Variants in C8orf34 observed in about 807,000 individuals in gnomAD.
The protein encoded by C8orf34 is uncharacterized protein C8orf34.
A neutral mutation model predicts 68.3 loss-of-function variants in C8orf34; 65 were observed. That is an observed-to-expected ratio of 0.95 (90% CI 0.78 to 1.17). The LOEUF is 1.17. Among genes scored for constraint, C8orf34 ranks in the 50% most tolerant of loss-of-function variants. The probability of loss-of-function intolerance (pLI) is 0.00; values close to 1 mark genes in which losing one functional copy is unlikely to be tolerated. For missense variants in C8orf34, 664 were observed against 655.4 expected (o/e 1.01, Z -0.14); for synonymous variants, 244 against 241.2 (o/e 1.01, Z -0.11).
At chr8:68,480,516 T>C (rs1251535994) in intron 4 of C8orf34, among the ~76,000 whole-genome samples, 1 of 152,068 alleles carries the variant, frequency 6.6e-6, no homozygotes, top group African/African-American at 2.4e-5. Flanking sequence ...GTTGGAACAA[T>C]TTGGAGGCCT....
chr8:68,574,421 A>G (rs1369232), intron 7 of C8orf34, among the ~76,000 whole-genome samples: 38,658 of 151,952 alleles, frequency 0.25, 7,372 homozygotes, highest in African/African-American at 0.54. Flanking sequence ...CACTTTGCTC[A>G]CAAAATTAGC....
At chr8:68,589,240 C>T (rs886214458) in intron 7 of C8orf34, among the ~76,000 whole-genome samples, 7 of 152,088 alleles carry the variant, frequency 4.6e-5, no homozygotes, top group East Asian at 3.9e-4. Context: ...TCCATCCATC[C>T]GTGTGTTCAT....
rs182906058 is a variant in C8orf34 at position 68,739,869 on chromosome 8, G to A, written c.1404+18432G>A. Among the ~76,000 whole-genome samples the A allele has an allele frequency of 3.0e-3, 453 of 152,052 alleles. 1 individual carries two copies. Among genetic ancestry groups the A allele is most frequent in the Middle Eastern group, 6.8e-3 (2 of 294 alleles). On this transcript the variant is annotated intron_variant, in intron 10 of 13. Coordinates refer to ENST00000518698, the MANE Select transcript of C8orf34 (RefSeq NM_052958.4). ...CTACCTGACTTCAAACTATACTATAGGGCTACAGTAACCAAAACAGCATGG... is the reference window on the plus strand; with the variant it reads ...CTACCTGACTTCAAACTATACTATAAGGCTACAGTAACCAAAACAGCATGG...
intron 10 of C8orf34, among the ~76,000 whole-genome samples, chr8:68,734,233 G>A (rs1822063370): frequency 6.6e-6 from 1 of 152,102 alleles, no homozygotes; most frequent in Non-Finnish European, 1.5e-5. Context: ...AAATGGCCAT[G>A]TAGGGTCTGT....
chr8:68,800,799 AAG>A, intron 12 of C8orf34, among the ~76,000 whole-genome samples: 1 of 152,196 alleles, frequency 6.6e-6, no homozygotes, highest in East Asian at 1.9e-4. Context: ...CTTTGTTGAT[AAG>A]AGGTCAGAAA....
At chr8:68,756,057 A>G (rs1016424223) in intron 10 of C8orf34, among the ~76,000 whole-genome samples, 2 of 145,312 alleles carry the variant, frequency 1.4e-5, no homozygotes, top group Non-Finnish European at 3.0e-5. Context: ...ACAGAGTGAG[A>G]CTCTATCTAA....
At chr8:68,468,972 T>A (rs1316450570) in intron 4 of C8orf34, 152 bp downstream of exon 4, 4 of 801,900 alleles carry the variant, frequency 5.0e-6, no homozygotes, top group Non-Finnish European at 7.6e-6. Context: ...GAAAGGAACT[T>A]GATTTTGCAT....
At chr8:68,377,735 A>G (rs1442926817) in intron 1 of C8orf34, among the ~76,000 whole-genome samples, 1 of 152,116 alleles carries the variant, frequency 6.6e-6, no homozygotes, top group Non-Finnish European at 1.5e-5. Flanking sequence ...ATGCTAAAGC[A>G]GTTTATTAGT....
chr8:68,374,154 A>G (rs1455863110), intron 1 of C8orf34, among the ~76,000 whole-genome samples: 1 of 152,150 alleles, frequency 6.6e-6, no homozygotes, highest in African/African-American at 2.4e-5. Flanking sequence ...GCCTCAAGTA[A>G]TTCTTCCACC....
chr8:68,518,910 T>C (rs1359618454), intron 5 of C8orf34, among the ~76,000 whole-genome samples: 4 of 124,100 alleles, frequency 3.2e-5, no homozygotes, highest in Non-Finnish European at 5.1e-5. Context: ...AAAAGGCAAG[T>C]ATGCAAAAAA....
At chr8:68,414,704 G>A (rs1321215548) in intron 1 of C8orf34, among the ~76,000 whole-genome samples, 5 of 152,092 alleles carry the variant, frequency 3.3e-5, no homozygotes, top group African/African-American at 9.7e-5. Context: ...TATTCATGAT[G>A]TTATTCAAAC....
chr8:68,399,852 A>G (rs1398533534), intron 1 of C8orf34, among the ~76,000 whole-genome samples: 2 of 152,132 alleles, frequency 1.3e-5, no homozygotes, highest in Non-Finnish European at 2.9e-5. Context: ...TTTAATAACC[A>G]TTCTGAGTGG....
chr8:68,748,543 A>G (rs1434307233), intron 10 of C8orf34, among the ~76,000 whole-genome samples: 1 of 152,172 alleles, frequency 6.6e-6, no homozygotes, highest in Non-Finnish European at 1.5e-5. Context: ...TTTACAAGAA[A>G]AAAACAAACA....
intron 9 of C8orf34, among the ~76,000 whole-genome samples, chr8:68,714,243 T>C (rs2130978700): frequency 6.6e-6 from 1 of 152,236 alleles, no homozygotes; most frequent in East Asian, 1.9e-4. Context: ...CAAAGATGCC[T>C]ACTTTCACCA....
At chr8:68,466,012 A>C (rs1812114126) in intron 3 of C8orf34, among the ~76,000 whole-genome samples, 1 of 140,342 alleles carries the variant, frequency 7.1e-6, no homozygotes. Context: ...TTTGGTGCGT[A>C]TACACAATGA....
intron 8 of C8orf34, among the ~76,000 whole-genome samples, chr8:68,683,391 G>A (rs769373946): frequency 5.9e-5 from 9 of 151,318 alleles, no homozygotes; most frequent in Middle Eastern, 3.4e-3. Context: ...CCCGTGAAGA[G>A]GAACAAAGAT....
chr8:68,556,915 A>G (rs1353578475), intron 7 of C8orf34, among the ~76,000 whole-genome samples: 1 of 152,156 alleles, frequency 6.6e-6, no homozygotes, highest in Non-Finnish European at 1.5e-5. Flanking sequence ...CACAAACCAT[A>G]TTTGCTTTCT....
rs544757410 is a variant in C8orf34, at chr8:68,616,616, A to T, written c.1106-23760A>T. ...TGAGCAGTTTTGAGTGAGTTTCTTA[A>T]TCCTGAGTTCTAGTTTGATTGCACT... is the stretch of plus-strand genomic sequence containing the variant. On this transcript the variant is annotated intron_variant, in intron 7 of 13. Coordinates refer to ENST00000518698, the MANE Select transcript of C8orf34 (RefSeq NM_052958.4). Among the ~76,000 whole-genome samples, 1,466 of 152,202 alleles carry T rather than the reference A, an allele frequency of 9.6e-3. 26 individuals are homozygous for T. The highest frequency in any genetic ancestry group is 0.034 in the African/African-American group (1,406 of 41,514).
chr8:68,780,486 C>A (rs1020976273), intron 11 of C8orf34, among the ~76,000 whole-genome samples: 3 of 152,158 alleles, frequency 2.0e-5, no homozygotes, highest in Non-Finnish European at 2.9e-5. Flanking sequence ...TAATGTTTTT[C>A]ACAACCTACT....
Sources: allele counts gnomAD v4.1 joint callset (sites outside exome capture counted in the v4.1 genomes callset), GRCh38; gene constraint gnomAD v4.1.1; transcripts MANE v1.5; gene names NCBI Gene and HGNC (gene_info 2026-07-23, HGNC 2026-07-21).